Variants in METAP1D observed in about 807,000 individuals in gnomAD.
METAP1D encodes the protein methionine aminopeptidase 1D, mitochondrial.
A neutral mutation model predicts 40.5 loss-of-function variants in METAP1D; 31 were observed. The observed-to-expected ratio is 0.77, with a 90% CI of 0.58 to 1.03. The LOEUF is 1.03. Ranked by LOEUF, METAP1D falls within the 50% of genes least tolerant of loss-of-function variation. The pLI is 0.00. For missense variants in METAP1D, 411 were observed against 420.7 expected, an observed-to-expected ratio of 0.98 and a Z score of 0.20; for synonymous variants, 151 against 146.4, an observed-to-expected ratio of 1.03 and a Z score of -0.22.
intron 1 of METAP1D, among the ~76,000 whole-genome samples, chr2:172,055,903 C>T (rs377402119): frequency 1.3e-5 from 2 of 152,214 alleles, no homozygotes; most frequent in African/African-American, 4.8e-5. Context: ...ATCTTTTCGG[C>T]AGTGAGGCTG....
chr2:172,025,851 T>C (rs987023231), intron 1 of METAP1D, among the ~76,000 whole-genome samples: 2 of 152,120 alleles, frequency 1.3e-5, no homozygotes, highest in African/African-American at 4.8e-5. Flanking sequence ...ACTTTGACAT[T>C]CACCCTTTCC....
At chr2:172,059,894 C>CA (rs889476989) in intron 1 of METAP1D, among the ~76,000 whole-genome samples, 59 of 151,820 alleles carry the variant, frequency 3.9e-4, no homozygotes, top group African/African-American at 1.3e-3. Flanking sequence ...ACTAAAAATA[C>CA]AAAAAAATTA....
At chr2:172,000,486 G>A (rs1406534570) in intron 1 of METAP1D, among the ~76,000 whole-genome samples, 1 of 152,196 alleles carries the variant, frequency 6.6e-6, no homozygotes, top group African/African-American at 2.4e-5. Context: ...AAGAAAGGAT[G>A]TCTGGGTAGT....
At chr2:172,019,077 C>T (rs933806097) in intron 1 of METAP1D, among the ~76,000 whole-genome samples, 2 of 152,144 alleles carry the variant, frequency 1.3e-5, no homozygotes, top group East Asian at 3.9e-4. Context: ...AGAAGCCAGG[C>T]GCAGTGGCTC....
intron 1 of METAP1D, among the ~76,000 whole-genome samples, chr2:172,054,363 A>G (rs891092225): frequency 6.6e-6 from 1 of 152,080 alleles, no homozygotes; most frequent in Admixed American, 6.6e-5. Flanking sequence ...TATTAAAAAT[A>G]CAAAAATTAG....
intron 1 of METAP1D, among the ~76,000 whole-genome samples, chr2:172,049,105 C>T (rs1689828871): frequency 6.6e-6 from 1 of 152,156 alleles, no homozygotes; most frequent in South Asian, 2.1e-4. Context: ...CCACCCCAAC[C>T]TCCCAAGTAG....
rs1317415727 is a variant in METAP1D, at chr2:172,081,386, CAG to C, written c.*987_*988del. ...GCTGTTCTGGAAACCGAGAGGGTCC[CAG>C]AGAGAGGAGATACGGGCGCATTTGA... On this transcript the variant is annotated 3_prime_UTR_variant, in exon 10 of 10. Coordinates refer to ENST00000315796, the MANE Select transcript of METAP1D (RefSeq NM_199227.3). 3 of 152,288 alleles carry C rather than the reference CAG, an allele frequency of 2.0e-5. No homozygotes were observed. The highest frequency in any genetic ancestry group is 2.9e-5 in the Non-Finnish European group (2 of 68,080). 9.4% of individuals were successfully genotyped at this position (152,288 alleles called of 1,614,324 possible).
chr2:172,033,644 C>T (rs192309611), intron 1 of METAP1D, among the ~76,000 whole-genome samples: 65 of 152,100 alleles, frequency 4.3e-4, no homozygotes, highest in African/African-American at 1.5e-3. Context: ...GTGTGAGCCA[C>T]CGGGCCCAGC....
intron 1 of METAP1D, among the ~76,000 whole-genome samples, chr2:172,017,427 C>T (rs1487965041): frequency 1.3e-5 from 2 of 149,966 alleles, no homozygotes; most frequent in African/African-American, 5.0e-5. Flanking sequence ...ATATCTAAAA[C>T]CTTTCATACA....
At chr2:172,045,697 A>ATG (rs1484116141) in intron 1 of METAP1D, among the ~76,000 whole-genome samples, 36 of 65,918 alleles carry the variant, frequency 5.5e-4, no homozygotes, top group Admixed American at 9.1e-4. Flanking sequence ...TCATTCATAT[A>ATG]TATGTGTGTG....
intron 1 of METAP1D, among the ~76,000 whole-genome samples, chr2:172,038,644 A>G (rs1689448744): frequency 6.6e-6 from 1 of 152,212 alleles, no homozygotes; most frequent in Non-Finnish European, 1.5e-5. Flanking sequence ...AAATATATTC[A>G]TGTAGCTACC....
chr2:172,032,370 A>G (rs1430590785), intron 1 of METAP1D, among the ~76,000 whole-genome samples: 1 of 152,182 alleles, frequency 6.6e-6, no homozygotes, highest in Admixed American at 6.5e-5. Context: ...ACTTGACTCA[A>G]CCTTCCCTGT....
Position 172,063,849 on chromosome 2 carries a change from AAG to A in METAP1D, c.340_341del (p.Ser114PhefsTer4). On this transcript the variant is annotated frameshift_variant, in exon 3 of 10. Coordinates refer to ENST00000315796, the MANE Select transcript of METAP1D (RefSeq NM_199227.3). LOFTEE classifies it high-confidence loss of function. The stretch of plus-strand genomic sequence containing the variant: ...CCGCCACGTCCTCCTCTTGGCTGGG[AAG>A]AGTTTAAAGGTGGCGTCTCACCAAG... The part of the protein sequence containing the change: ...LARHVLLLAG[K>X]SLKVDMTTEE... 6.2e-7 allele frequency: 1 copy of A among 1,612,370 alleles called. No homozygotes were observed. Among genetic ancestry groups the A allele is most frequent in the Non-Finnish European group, 8.5e-7 (1 of 1,179,322 alleles).
intron 1 of METAP1D, among the ~76,000 whole-genome samples, chr2:172,057,609 G>A (rs1385183194): frequency 6.6e-6 from 1 of 152,160 alleles, no homozygotes; most frequent in African/African-American, 2.4e-5. Flanking sequence ...ATAGTTTTGT[G>A]ATGCCTTTTC....
At chr2:172,006,186 GTTT>G (rs11380115) in intron 1 of METAP1D, among the ~76,000 whole-genome samples, 64,356 of 139,908 alleles carry the variant, frequency 0.46, 15,271 homozygotes, top group Middle Eastern at 0.62. Context: ...TATAGTTTTT[GTTT>G]TTTTTTTTTT....
chr2:172,058,345 A>G (rs1199218251), intron 1 of METAP1D, among the ~76,000 whole-genome samples: 1 of 152,210 alleles, frequency 6.6e-6, no homozygotes, highest in Non-Finnish European at 1.5e-5. Flanking sequence ...GAAATGAAGA[A>G]ACTTGTGCAG....
chr2:172,080,008 C>A (rs963183529), intron 8 of METAP1D, 120 bp from the exon 9 acceptor site: 5 of 792,714 alleles, frequency 6.3e-6, no homozygotes, highest in South Asian at 1.7e-5. Context: ...ACAACATGAG[C>A]CTGTGGGGGA....
At chr2:172,059,314 G>A (rs1690077571) in intron 1 of METAP1D, among the ~76,000 whole-genome samples, 1 of 152,038 alleles carries the variant, frequency 6.6e-6, no homozygotes, top group Non-Finnish European at 1.5e-5. Flanking sequence ...TGGGATTACA[G>A]GCGTGACCCA....
rs187550273 is a variant in METAP1D at position 172,041,520 on chromosome 2, C to A, written c.41-19978C>A. On this transcript the variant is annotated intron_variant, in intron 1 of 9. Coordinates refer to ENST00000315796, the MANE Select transcript of METAP1D (RefSeq NM_199227.3). The stretch of plus-strand genomic sequence containing the variant: ...ATTGGTTAAATAAGGTGTTGTGTGA[C>A]CTGTCCGTAAAGGAATTCATGAAAC... Among the ~76,000 whole-genome samples, 80 of 124,604 alleles carry A rather than the reference C, an allele frequency of 6.4e-4. 8 individuals are homozygous for A. Among genetic ancestry groups the A allele is most frequent in the African/African-American group, 2.1e-3 (78 of 37,658 alleles). The allele number at this position is 124,604 out of a possible 152,430, so 81.7% of individuals were successfully genotyped here. A position where few individuals can be genotyped will look rare whatever the true frequency, so the allele number is the denominator to read the frequency against.
Sources: allele counts gnomAD v4.1 joint callset (sites outside exome capture counted in the v4.1 genomes callset), GRCh38; gene constraint gnomAD v4.1.1; transcripts MANE v1.5; gene names NCBI Gene and HGNC (gene_info 2026-07-23, HGNC 2026-07-21).